The following GANC variants were observed in gnomAD, a reference collection of about 807,000 sequenced individuals.
GANC encodes the protein neutral alpha-glucosidase C.
In GANC, 117 loss-of-function variants were observed where a neutral mutation model predicts 124.2. The observed-to-expected ratio is 0.94, with a 90% CI of 0.81 to 1.10. GANC has a LOEUF of 1.10. Among genes scored for constraint, GANC ranks in the 50% least tolerant of loss-of-function variants. The probability of loss-of-function intolerance (pLI) is 0.00; values close to 1 mark genes in which losing one functional copy is unlikely to be tolerated. For missense variants in GANC, 1,140 were observed against 1,095.0 expected (o/e 1.04, Z -0.58); for synonymous variants, 377 against 376.8 (o/e 1.00, Z -0.01).
At chr15:42,279,329 C>A (rs950728974) in intron 3 of GANC, among the ~76,000 whole-genome samples, 1 of 152,156 alleles carries the variant, frequency 6.6e-6, no homozygotes, top group African/African-American at 2.4e-5. Context: ...GCATGTTTAG[C>A]CTGAGCAAGG....
intron 10 of GANC, chr15:42,313,960 ACAG>A (rs950920328): frequency 8.1e-5 from 52 of 643,978 alleles, no homozygotes; most frequent in East Asian, 7.6e-4. Context: ...TCTAAAAACA[ACAG>A]CAACAACAAC....
rs1221188034 is a variant in GANC, at chr15:42,342,979, G to A, written c.2153-99G>A. Reference sequence around the variant, plus strand: ...GCCTCTCCAAAGTTCACAGCTGGGAGGTCTGTAACACCATGATAGCTAGCA... The same window carrying A: ...GCCTCTCCAAAGTTCACAGCTGGGAAGTCTGTAACACCATGATAGCTAGCA... On this transcript the variant is annotated intron_variant, in intron 18 of 23. Coordinates refer to ENST00000318010, the MANE Select transcript of GANC (RefSeq NM_198141.3). The A allele has an allele frequency of 4.4e-6, 4 of 911,310 alleles. No homozygotes were observed. In the East Asian group the frequency reaches 7.8e-5, roughly 18 times the overall value. 56.5% of individuals were successfully genotyped at this position (911,310 alleles called of 1,614,324 possible).
At chr15:42,296,850 C>CTT (rs774454911) in intron 5 of GANC, among the ~76,000 whole-genome samples, 32 of 134,460 alleles carry the variant, frequency 2.4e-4, no homozygotes, top group African/African-American at 6.8e-4. Context: ...TTTCTTTTTC[C>CTT]TTTTTTTTTT....
At chr15:42,339,235 A>G (rs1008145659) in intron 16 of GANC, among the ~76,000 whole-genome samples, 1 of 149,740 alleles carries the variant, frequency 6.7e-6, no homozygotes, top group South Asian at 2.1e-4. Flanking sequence ...GCTTCTCTTC[A>G]GTTCTTTCTG....
chr15:42,274,949 A>AT (rs1480739506), intron 1 of GANC, among the ~76,000 whole-genome samples: 1 of 152,174 alleles, frequency 6.6e-6, no homozygotes, highest in African/African-American at 2.4e-5. Flanking sequence ...TTGCAATCAG[A>AT]ACTCTTAACA....
At chr15:42,347,785 G>A (rs1416715467) in intron 20 of GANC, among the ~76,000 whole-genome samples, 1 of 152,100 alleles carries the variant, frequency 6.6e-6, no homozygotes, top group African/African-American at 2.4e-5. Context: ...TACAAAATAG[G>A]AAAAGCCACT....
In GANC at chr15:42,274,479, G is replaced by C; in HGVS notation, c.-3G>C. The C allele has an allele frequency of 6.2e-7, 1 of 1,610,754 alleles. No individual in the cohort carries two copies. The highest frequency in any genetic ancestry group is 8.5e-7 in the Non-Finnish European group (1 of 1,178,652). On this transcript the variant is annotated 5_prime_UTR_variant, in exon 1 of 24. Transcript: ENST00000318010. ...GGGAGCTGGTCGGAGTGACAGAGAA[G>C]CCATGGAAGCAGCAGTGAAAGAGGA...
At chr15:42,325,290 A>C (rs968422371) in intron 11 of GANC, among the ~76,000 whole-genome samples, 2 of 152,142 alleles carry the variant, frequency 1.3e-5, no homozygotes, top group Non-Finnish European at 2.9e-5. Flanking sequence ...AAACAAAAAA[A>C]AAAATTTAAG....
At position 42,349,437 on chromosome 15, in the gene GANC, C is replaced by T. The variant is rs1256197878; in HGVS notation, c.2473C>T (p.His825Tyr). ...TGATGGCCATTCATTCCAATACCTC[C>T]ACCAGAAGCAATTTTTGCACAGGAA... ...LDDGHSFQYL[H>Y]QKQFLHRKFS... The change falls in exon 22 of 24, where the codon CAC becomes TAC. Residue 825 changes from histidine (H) to tyrosine (Y), a missense_variant. Physicochemically the swap from His to Tyr is moderately conservative, Grantham distance 83 (BLOSUM62 2). Coordinates refer to ENST00000318010, the MANE Select transcript of GANC (RefSeq NM_198141.3). 6.2e-7 allele frequency: 1 copy of T among 1,613,786 alleles called. No individual in the cohort carries two copies. Among genetic ancestry groups the T allele is most frequent in the Admixed American group, 1.7e-5 (1 of 60,000 alleles).
In GANC at chr15:42,310,753, G is replaced by A; in HGVS notation, c.964G>A (p.Val322Met). Residue 322 changes from valine to methionine, a missense_variant, in exon 10 of 24, where the codon GTG (valine) becomes ATG (methionine). Val to Met is a conservative substitution (Grantham distance 21, BLOSUM62 1). Coordinates refer to ENST00000318010, the MANE Select transcript of GANC (RefSeq NM_198141.3). ...AKQKVRSRTH[V>M]HWMSESGIID... ...ACAAAAGGTCAGATCTCGCACTCAT[G>A]TGCACTGGATGTCAGAGAGTGGCAT... 1 of 1,614,172 alleles carries A rather than the reference G, an allele frequency of 6.2e-7. No individual in the cohort carries two copies. The highest frequency in any genetic ancestry group is 8.5e-7 in the Non-Finnish European group (1 of 1,180,008).
At chr15:42,350,696 A>G (rs111831216) in intron 22 of GANC, among the ~76,000 whole-genome samples, 5,744 of 150,218 alleles carry the variant, frequency 0.038, 348 homozygotes, top group African/African-American at 0.12. Flanking sequence ...GGGATTACAG[A>G]TGCCCACCAC....
intron 8 of GANC, among the ~76,000 whole-genome samples, chr15:42,309,951 A>G (rs1393247783): frequency 6.6e-6 from 1 of 152,128 alleles, no homozygotes; most frequent in Non-Finnish European, 1.5e-5. Flanking sequence ...CCTGGAAGGT[A>G]GAGTTTGCAG....
chr15:42,315,748 CAGATT>C (rs2052095849), intron 10 of GANC, among the ~76,000 whole-genome samples: 1 of 152,068 alleles, frequency 6.6e-6, no homozygotes, highest in Admixed American at 6.6e-5. Flanking sequence ...TTGAGGAAAG[CAGATT>C]ACTCTCCATA....
Position 42,273,474 on chromosome 15 carries a change from T to C in GANC, c.-1008T>C. The C allele has an allele frequency of 6.3e-7, 1 of 1,590,544 alleles. No individual in the cohort carries two copies. Among genetic ancestry groups the C allele is most frequent in the South Asian group, 1.1e-5 (1 of 89,064 alleles). Reference sequence around the variant, plus strand: ...GTCCCGCCTTCTTCCGGCTCTGCTCTAAGGGCGGGATTATCCGGGTCCTGG... The same window carrying C: ...GTCCCGCCTTCTTCCGGCTCTGCTCCAAGGGCGGGATTATCCGGGTCCTGG... On this transcript the variant is annotated 5_prime_UTR_variant, in exon 1 of 24. Transcript: ENST00000318010.
intron 18 of GANC, among the ~76,000 whole-genome samples, chr15:42,342,451 T>C (rs1483843091): frequency 1.3e-5 from 2 of 151,934 alleles, no homozygotes; most frequent in Non-Finnish European, 1.5e-5. Flanking sequence ...GCACGTTGGG[T>C]GTGTACCTGT....
chr15:42,287,045 T>C (rs1286067507), intron 3 of GANC, among the ~76,000 whole-genome samples: 1 of 152,248 alleles, frequency 6.6e-6, no homozygotes, highest in Non-Finnish European at 1.5e-5. Context: ...TTCTCTATTA[T>C]CTTCATGATT....
chr15:42,333,380 A>G (rs990896870), intron 15 of GANC, among the ~76,000 whole-genome samples: 1 of 152,016 alleles, frequency 6.6e-6, no homozygotes, highest in South Asian at 2.1e-4. Flanking sequence ...TAAAATTTCT[A>G]TGAAAGATTA....
intron 3 of GANC, 113 bp downstream of exon 3, chr15:42,278,703 T>C: frequency 1.4e-6 from 1 of 710,814 alleles, no homozygotes; most frequent in Non-Finnish European, 2.3e-6. Flanking sequence ...AGAAAAGGAA[T>C]ATCAGCCTTT....
At chr15:42,349,735 C>T (rs959010874) in intron 22 of GANC, among the ~76,000 whole-genome samples, 1 of 152,034 alleles carries the variant, frequency 6.6e-6, no homozygotes, top group African/African-American at 2.4e-5. Context: ...GCAACCTCCA[C>T]CTCCTGGGTT....
Sources: gnomAD v4.1 joint callset for allele counts (sites outside exome capture counted in the v4.1 genomes callset) on GRCh38, gnomAD v4.1.1 for gene constraint, MANE v1.5 for transcripts, NCBI Gene and HGNC (gene_info 2026-07-23, HGNC 2026-07-21) for gene names.